Variants in NIPBL observed in about 807,000 individuals in gnomAD.
The protein encoded by NIPBL is NIPBL cohesin loading factor.
A neutral mutation model predicts 321.8 loss-of-function variants in NIPBL; 19 were observed. That is an observed-to-expected ratio of 0.06 (90% CI 0.04 to 0.09). NIPBL has a LOEUF of 0.09. NIPBL is among the 10% of genes least tolerant of loss of function. The pLI is 1.00. For missense variants in NIPBL, 2,210 were observed against 3,327.0 expected (o/e 0.66, Z 8.26); for synonymous variants, 1,106 against 1,114.1 (o/e 0.99, Z 0.14).
chr5:37,034,890 G>A (rs539724901), intron 32 of NIPBL, among the ~76,000 whole-genome samples: 23 of 152,322 alleles, frequency 1.5e-4, no homozygotes, highest in Admixed American at 3.9e-4. Context: ...TGTGTCATGA[G>A]TCAAAATTTA....
At chr5:37,013,761 C>T (rs570193300) in intron 21 of NIPBL, among the ~76,000 whole-genome samples, 7 of 150,468 alleles carry the variant, frequency 4.7e-5, no homozygotes, top group East Asian at 2.0e-4. Context: ...ACATCCCAGA[C>T]GATGGGCGGC....
At position 36,975,758 on chromosome 5, in the gene NIPBL, A is replaced by G. The variant is rs760972639; in HGVS notation, c.869-18A>G. ...TGAAACCACCACAACTGTTACTTCT[A>G]TCGAATTATTTTTCTAGGCTCAAGA... On this transcript the variant is annotated intron_variant, in intron 8 of 46. Coordinates refer to ENST00000282516, the MANE Select transcript of NIPBL (RefSeq NM_133433.4). 2 of 1,612,154 alleles carry G rather than the reference A, an allele frequency of 1.2e-6. No individual in the cohort carries two copies. Among genetic ancestry groups the G allele is most frequent in the South Asian group, 1.1e-5 (1 of 90,914 alleles).
rs1338360759 is a variant in NIPBL, at chr5:36,985,642, A to G, written c.2462A>G (p.Lys821Arg). 9 of 1,613,858 alleles carry G rather than the reference A, an allele frequency of 5.6e-6. No individual in the cohort carries two copies. Among genetic ancestry groups the G allele is most frequent in the Non-Finnish European group, 7.6e-6 (9 of 1,179,986 alleles). Residue 821 changes from lysine (K) to arginine (R), a missense_variant, in exon 10 of 47, where the codon AAA becomes AGA. Coordinates refer to ENST00000282516, the MANE Select transcript of NIPBL (RefSeq NM_133433.4). ...SESLRRDHDNKQKSDDRGESE... is the reference protein window; with the variant it reads ...SESLRRDHDNRQKSDDRGESE... ...TCACTAAGACGTGACCATGATAATA[A>G]ACAAAAATCAGATGACAGGGGTGAA...
intron 1 of NIPBL, among the ~76,000 whole-genome samples, chr5:36,909,846 G>T (rs1747913627): frequency 1.3e-5 from 2 of 152,168 alleles, no homozygotes; most frequent in African/African-American, 4.8e-5. Context: ...GGGAGGCCAA[G>T]GTGGGCAGAT....
intron 33 of NIPBL, among the ~76,000 whole-genome samples, chr5:37,038,121 CTG>C (rs1751927767): frequency 6.6e-6 from 1 of 151,702 alleles, no homozygotes; most frequent in Non-Finnish European, 1.5e-5. Context: ...TCCCGAGTAA[CTG>C]AGACTACAAG....
In NIPBL at chr5:37,065,483, A is replaced by T. The variant is rs1231272560; in HGVS notation, c.*591A>T. 1.3e-5 allele frequency: 2 copies of T among 152,620 alleles called. No homozygotes were observed. Among genetic ancestry groups the T allele is most frequent in the African/African-American group, 4.8e-5 (2 of 41,428 alleles). The allele number at this position is 152,620 out of a possible 1,614,324, so 9.5% of individuals were successfully genotyped here. On this transcript the variant is annotated 3_prime_UTR_variant, in exon 47 of 47. Transcript: ENST00000282516. Reference sequence around the variant, plus strand: ...TCTGGTGGAGCGAATACTGCAATAAATTTTTTTACTTCTCTTTGTTACTTG... The same window carrying T: ...TCTGGTGGAGCGAATACTGCAATAATTTTTTTTACTTCTCTTTGTTACTTG...
chr5:36,917,319 G>A (rs570337490), intron 1 of NIPBL, among the ~76,000 whole-genome samples: 18 of 152,180 alleles, frequency 1.2e-4, no homozygotes, highest in African/African-American at 3.1e-4. Context: ...CATATCCTTC[G>A]CCCCCTTTTT....
intron 10 of NIPBL, among the ~76,000 whole-genome samples, chr5:36,991,439 T>C (rs935419900): frequency 6.6e-6 from 1 of 152,132 alleles, no homozygotes; most frequent in African/African-American, 2.4e-5. Context: ...AAAATAAATC[T>C]TTTTATGTAT....
chr5:36,956,616 C>CTTTTTTTT (rs34760816), intron 3 of NIPBL, among the ~76,000 whole-genome samples: 10 of 79,486 alleles, frequency 1.3e-4, no homozygotes, highest in African/African-American at 4.2e-4. Flanking sequence ...TAAATCACTT[C>CTTTTTTTT]TTTTTTTTTT....
At chr5:37,058,816 C>T in intron 43 of NIPBL, 75 bp from the exon 44 acceptor site, 2 of 1,340,530 alleles carry the variant, frequency 1.5e-6, no homozygotes, top group Admixed American at 4.1e-5. Context: ...CTTTTTCAAG[C>T]TGTTGAATGG....
intron 29 of NIPBL, among the ~76,000 whole-genome samples, chr5:37,024,262 T>A (rs1427898041): frequency 6.6e-6 from 1 of 152,228 alleles, no homozygotes; most frequent in Non-Finnish European, 1.5e-5. Context: ...TGATACTTCA[T>A]GTGCTGTTTA....
chr5:36,987,865 G>A (rs998705820), intron 10 of NIPBL, among the ~76,000 whole-genome samples: 1 of 152,140 alleles, frequency 6.6e-6, no homozygotes, highest in African/African-American at 2.4e-5. Context: ...GTTGTAGAAT[G>A]TGGGGGTTAA....
At position 37,065,062 on chromosome 5, in the gene NIPBL, C is replaced by T. The variant is rs773330481; in HGVS notation, c.*170C>T. ...CAAACATTTTTGTGGGAGCTCCCTT[C>T]GCTGTTGTGCAGCAGAAACAGATTC... On this transcript the variant is annotated 3_prime_UTR_variant, in exon 47 of 47. Transcript: ENST00000282516. 5 of 709,366 alleles carry T rather than the reference C, an allele frequency of 7.0e-6. No individual in the cohort carries two copies. The highest frequency in any genetic ancestry group is 1.2e-5 in the Non-Finnish European group (5 of 423,620). 43.9% of individuals were successfully genotyped at this position (709,366 alleles called of 1,614,324 possible).
chr5:37,014,927 A>G (rs1173060238), intron 22 of NIPBL, among the ~76,000 whole-genome samples, 162 bp downstream of exon 22: 1 of 152,192 alleles, frequency 6.6e-6, no homozygotes, highest in East Asian at 1.9e-4. Context: ...TTGGAGTATT[A>G]AAAATCTAAA....
chr5:36,974,894 A>G (rs996814918), intron 8 of NIPBL, among the ~76,000 whole-genome samples: 2 of 152,082 alleles, frequency 1.3e-5, no homozygotes, highest in Non-Finnish European at 2.9e-5. Context: ...TAGTGATAAG[A>G]AATGTATACA....
intron 1 of NIPBL, among the ~76,000 whole-genome samples, chr5:36,939,231 G>C (rs1738796351): frequency 6.6e-6 from 1 of 151,982 alleles, no homozygotes; most frequent in Non-Finnish European, 1.5e-5. Flanking sequence ...TTGAACTCTT[G>C]GGCTCAAACT....
intron 23 of NIPBL, among the ~76,000 whole-genome samples, chr5:37,016,791 A>G (rs1443547733): frequency 1.3e-5 from 2 of 152,086 alleles, no homozygotes; most frequent in African/African-American, 4.8e-5. Flanking sequence ...ATATTTAATG[A>G]GTTGTGTTGT....
chr5:37,053,082 AT>A (rs1240286307), intron 42 of NIPBL, among the ~76,000 whole-genome samples: 1 of 152,154 alleles, frequency 6.6e-6, no homozygotes, highest in Non-Finnish European at 1.5e-5. Context: ...ACTAATTATT[AT>A]ATATACAGTC....
intron 1 of NIPBL, among the ~76,000 whole-genome samples, chr5:36,935,124 C>T (rs1168354107): frequency 6.6e-6 from 1 of 152,108 alleles, no homozygotes; most frequent in East Asian, 1.9e-4. Flanking sequence ...CTCACCCTTG[C>T]AGCTAAGTGG....
Sources: gnomAD v4.1 joint callset for allele counts (sites outside exome capture counted in the v4.1 genomes callset) on GRCh38, gnomAD v4.1.1 for gene constraint, MANE v1.5 for transcripts, NCBI Gene and HGNC (gene_info 2026-07-23, HGNC 2026-07-21) for gene names.